TNIP3: variants seen among roughly 807,000 people sequenced by gnomAD.
TNIP3 encodes TNFAIP3-interacting protein 3.
Under a neutral mutation model 54.1 loss-of-function variants are expected in TNIP3, and 34 were observed. The ratio of observed to expected loss-of-function variants is 0.63; its 90% CI spans 0.48 to 0.84. TNIP3 has a LOEUF of 0.84. Ranked by LOEUF, TNIP3 falls within the 40% of genes least tolerant of loss-of-function variation. The pLI, the probability that TNIP3 is intolerant of heterozygous loss-of-function variation, is 0.00. For synonymous variants in TNIP3, 134 were observed against 136.8 expected (o/e 0.98, Z 0.14); for missense variants, 366 against 387.6 (o/e 0.94, Z 0.47).
At chr4:121,205,067 G>T (rs76390956) in intron 2 of TNIP3, among the ~76,000 whole-genome samples, 3,304 of 152,188 alleles carry the variant, frequency 0.022, 76 homozygotes, top group Admixed American at 0.035. Flanking sequence ...TCTTTGTCTA[G>T]TTAGCATTTT....
chr4:121,159,627 A>C (rs747818113), intron 2 of TNIP3, among the ~76,000 whole-genome samples: 3 of 152,250 alleles, frequency 2.0e-5, no homozygotes, highest in Middle Eastern at 3.2e-3. Context: ...TATAATAAAT[A>C]CTCAACAAAT....
intron 1 of TNIP3, among the ~76,000 whole-genome samples, chr4:121,225,346 T>C (rs549849141): frequency 6.6e-6 from 1 of 152,338 alleles, no homozygotes; most frequent in South Asian, 2.1e-4. Flanking sequence ...ACAATGGAGA[T>C]ATTTAATCTT....
chr4:121,155,025 T>C (rs1730002285), intron 4 of TNIP3, among the ~76,000 whole-genome samples: 2 of 151,756 alleles, frequency 1.3e-5, no homozygotes, highest in South Asian at 4.2e-4. Flanking sequence ...TGCAATGGTG[T>C]GATCTCAGCT....
chr4:121,187,639 T>C (rs186666845), intron 2 of TNIP3, among the ~76,000 whole-genome samples: 56 of 152,354 alleles, frequency 3.7e-4, no homozygotes, highest in African/African-American at 1.3e-3. Context: ...AAAACAACTA[T>C]AGGTCCCTCC....
At chr4:121,205,092 G>A (rs1461708533) in intron 2 of TNIP3, among the ~76,000 whole-genome samples, 1 of 152,144 alleles carries the variant, frequency 6.6e-6, no homozygotes, top group African/African-American at 2.4e-5. Context: ...GGTAATAGGT[G>A]TCATAGAAGA....
At chr4:121,193,463 A>G (rs1725407623) in intron 2 of TNIP3, among the ~76,000 whole-genome samples, 1 of 152,232 alleles carries the variant, frequency 6.6e-6, no homozygotes, top group Non-Finnish European at 1.5e-5. Flanking sequence ...AAATAAACAT[A>G]AGTGGGGGTA....
At chr4:121,202,484 CT>C (rs1248512038) in intron 2 of TNIP3, among the ~76,000 whole-genome samples, 1 of 151,980 alleles carries the variant, frequency 6.6e-6, no homozygotes, top group African/African-American at 2.4e-5. Flanking sequence ...TTGGAAAAAC[CT>C]TTCTAGACAT....
At position 121,142,575 on chromosome 4, in the gene TNIP3, G is replaced by T. The variant is rs1342383666; in HGVS notation, c.786+151C>A. 4.3e-6 allele frequency: 3 copies of T among 698,294 alleles called. No individual in the cohort carries two copies. In the Admixed American group the frequency reaches 7.3e-5, roughly 17 times the overall value. The allele number at this position is 698,294 out of a possible 1,614,324, so 43.3% of individuals were successfully genotyped here. On this transcript the variant is annotated intron_variant, in intron 8 of 10. Transcript: ENST00000057513. ...GTTGAAAGGCCTTGGTGGTGCCTAA[G>T]CACTGTCTATCCGTTGATGGTGTAG... is the stretch of plus-strand genomic sequence containing the variant.
At chr4:121,192,630 A>C (rs1191452787) in intron 2 of TNIP3, among the ~76,000 whole-genome samples, 1 of 152,202 alleles carries the variant, frequency 6.6e-6, no homozygotes, top group Admixed American at 6.5e-5. Context: ...CTCTGCACTC[A>C]GTTCAGGTCG....
At chr4:121,147,656 G>A (rs1358661685) in intron 6 of TNIP3, among the ~76,000 whole-genome samples, 2 of 152,104 alleles carry the variant, frequency 1.3e-5, no homozygotes, top group Non-Finnish European at 2.9e-5. Flanking sequence ...TTTAATTATT[G>A]TTACTGTTTT....
chr4:121,186,992 A>G (rs1032733594), intron 2 of TNIP3, among the ~76,000 whole-genome samples: 149 of 152,322 alleles, frequency 9.8e-4, no homozygotes, highest in African/African-American at 3.3e-3. Context: ...TGTTTCATAA[A>G]TTTCGATTTG....
intron 7 of TNIP3, among the ~76,000 whole-genome samples, chr4:121,143,061 A>G (rs577804584): frequency 6.6e-6 from 1 of 152,356 alleles, no homozygotes; most frequent in African/African-American, 2.4e-5. Context: ...TGCTTACTGA[A>G]TGACATTGGA....
At chr4:121,187,730 A>T (rs1197078539) in intron 2 of TNIP3, among the ~76,000 whole-genome samples, 1 of 152,222 alleles carries the variant, frequency 6.6e-6, no homozygotes, top group Non-Finnish European at 1.5e-5. Flanking sequence ...TCTATCTTTT[A>T]TATTTTTGAC....
chr4:121,141,752 G>C, intron 9 of TNIP3, 64 bp downstream of exon 9: 1 of 1,105,850 alleles, frequency 9.0e-7, no homozygotes, highest in Non-Finnish European at 1.2e-6. Flanking sequence ...TGAAATTCCA[G>C]AGATGCACAT....
intron 3 of TNIP3, 85 bp downstream of exon 3, chr4:121,158,602 G>T: frequency 9.1e-7 from 1 of 1,101,464 alleles, no homozygotes; most frequent in South Asian, 1.3e-5. Flanking sequence ...GCTCTTTGTA[G>T]CTGAAATGAA....
intron 2 of TNIP3, among the ~76,000 whole-genome samples, chr4:121,203,633 C>G (rs1726021353): frequency 1.3e-5 from 2 of 152,080 alleles, no homozygotes; most frequent in Admixed American, 1.3e-4. Flanking sequence ...TTCAAAACAA[C>G]TTAGGTCATC....
chr4:121,142,855 G>T, intron 7 of TNIP3, 79 bp from the exon 8 acceptor site: 1 of 1,271,302 alleles, frequency 7.9e-7, no homozygotes, highest in Non-Finnish European at 1.1e-6. Flanking sequence ...ACCTACTCAA[G>T]TGTCAGGCAT....
intron 10 of TNIP3, 134 bp downstream of exon 10, chr4:121,138,490 T>A: frequency 1.3e-6 from 1 of 789,074 alleles, no homozygotes; most frequent in South Asian, 1.7e-5. Context: ...TGCATCAAAT[T>A]AAAGTTATGT....
chr4:121,141,968 C>T (rs912165490), intron 8 of TNIP3, 54 bp from the exon 9 acceptor site: 1 of 1,254,054 alleles, frequency 8.0e-7, no homozygotes, highest in African/African-American at 1.5e-5. Flanking sequence ...TGAGGAGTTG[C>T]AGTGACATTG....
Sources: allele counts gnomAD v4.1 joint callset (sites outside exome capture counted in the v4.1 genomes callset), GRCh38; gene constraint gnomAD v4.1.1; transcripts MANE v1.5; gene names NCBI Gene and HGNC (gene_info 2026-07-23, HGNC 2026-07-21).